COPG2: variants seen among roughly 807,000 people sequenced by gnomAD.
COPG2 encodes the protein coat protein complex I subunit gamma 2.
In COPG2, 37 loss-of-function variants were observed where a neutral mutation model predicts 46.3. That is an observed-to-expected ratio of 0.80 (90% CI 0.61 to 1.05). COPG2 has a LOEUF of 1.05. COPG2 is among the 50% of genes least tolerant of loss of function. The pLI is 0.00. For synonymous variants in COPG2, 159 were observed against 129.7 expected (o/e 1.23, Z -1.53); for missense variants, 427 against 387.8 (o/e 1.10, Z -0.85).
chr7:130,600,217 T>A lies in COPG2; in HGVS notation c.737+10736A>T, dbSNP rs537082739. On this transcript the variant is annotated intron_variant, in intron 9 of 23. Transcript: ENST00000425248. ...CAAGTTCATTCCTGTTATATTTTTTTAGACCATTACTTTTGTCAAAATACA... is the reference window on the plus strand; with the variant it reads ...CAAGTTCATTCCTGTTATATTTTTTAAGACCATTACTTTTGTCAAAATACA... 7.9e-5 allele frequency among the ~76,000 whole-genome samples: 12 copies of A among 152,342 alleles called. No homozygotes were observed. In the South Asian group the frequency reaches 2.5e-3, roughly 32 times the overall value.
chr7:130,581,969 A>T (rs1554447237), intron 9 of COPG2, among the ~76,000 whole-genome samples: 1 of 151,688 alleles, frequency 6.6e-6, no homozygotes, highest in Admixed American at 6.6e-5. Context: ...GCTACCAATG[A>T]CTTTCTTCAC....
At chr7:130,667,623 G>T in intron 1 of COPG2, 89 bp from the exon 2 acceptor site, 1 of 989,594 alleles carries the variant, frequency 1.0e-6, no homozygotes, top group Non-Finnish European at 1.6e-6. Flanking sequence ...GAATGCTTGG[G>T]AAGTGAACAC....
chr7:130,650,251 G>C (rs1300085187), intron 5 of COPG2, among the ~76,000 whole-genome samples: 3 of 152,140 alleles, frequency 2.0e-5, no homozygotes, highest in East Asian at 1.9e-4. Context: ...CTGCTGTTTT[G>C]CAATCTTAAT....
chr7:130,635,383 T>C (rs1367214322), intron 5 of COPG2, among the ~76,000 whole-genome samples: 2 of 152,164 alleles, frequency 1.3e-5, no homozygotes, highest in African/African-American at 2.4e-5. Context: ...TGCCACAATT[T>C]CAGAACTTGT....
intron 9 of COPG2, among the ~76,000 whole-genome samples, chr7:130,594,412 T>C (rs1326320997): frequency 3.3e-5 from 5 of 152,138 alleles, no homozygotes; most frequent in Non-Finnish European, 5.9e-5. Flanking sequence ...AATAAACTCT[T>C]TGAAGAAAAC....
intron 20 of COPG2, among the ~76,000 whole-genome samples, chr7:130,523,422 G>C (rs1231099355): frequency 6.6e-6 from 1 of 152,328 alleles, no homozygotes; most frequent in East Asian, 1.9e-4. Context: ...AGGCCGCCTT[G>C]GGGTCCTGCA....
intron 9 of COPG2, among the ~76,000 whole-genome samples, chr7:130,571,024 T>C (rs1793887252): frequency 6.6e-6 from 1 of 152,154 alleles, no homozygotes; most frequent in African/African-American, 2.4e-5. Context: ...TGGATCCTCA[T>C]CTCTCACCTT....
rs556928046 is a variant in COPG2 at position 130,663,887 on chromosome 7, C to T, written c.172-849G>A. On this transcript the variant is annotated intron_variant, in intron 3 of 23. Transcript: ENST00000425248. ...CCAAGTAGCTGTGATTACAGGTGTG[C>T]ACCACCACGCCCAACTAATTTTTTG... 9.9e-5 allele frequency among the ~76,000 whole-genome samples: 15 copies of T among 151,946 alleles called. 2 individuals carry two copies. In the South Asian group the frequency reaches 2.9e-3, roughly 30 times the overall value.
chr7:130,643,089 G>A (rs1339733624), intron 5 of COPG2, among the ~76,000 whole-genome samples: 2 of 151,894 alleles, frequency 1.3e-5, no homozygotes, highest in Admixed American at 6.6e-5. Context: ...GAGGTCAGGA[G>A]ATCGAGACCA....
chr7:130,508,025 T>A lies in COPG2; in HGVS notation c.2248-202A>T, dbSNP rs1799530046. 4 of 538,936 alleles carry A rather than the reference T, an allele frequency of 7.4e-6. No homozygotes were observed. In the Admixed American group the frequency reaches 1.3e-4, roughly 18 times the overall value. The allele number at this position is 538,936 out of a possible 1,614,324, so 33.4% of individuals were successfully genotyped here. A position where few individuals can be genotyped will look rare whatever the true frequency, so the allele number is the denominator to read the frequency against. On this transcript the variant is annotated intron_variant, in intron 21 of 23. Coordinates refer to ENST00000425248, the MANE Select transcript of COPG2 (RefSeq NM_012133.6). ...CAGAACATCTGGCAAGAGCCTCAGA[T>A]CAACATCTGTAGCCCTGAGGTACAG...
At chr7:130,644,465 C>G (rs1554457785) in intron 5 of COPG2, among the ~76,000 whole-genome samples, 26 of 152,088 alleles carry the variant, frequency 1.7e-4, no homozygotes. Flanking sequence ...TAGGGCTGCT[C>G]AAATCAATTC....
chr7:130,647,029 A>G (rs576930103), intron 5 of COPG2, among the ~76,000 whole-genome samples: 27 of 71,332 alleles, frequency 3.8e-4, no homozygotes, highest in Admixed American at 5.9e-4. Context: ...ATATATGTGT[A>G]TATATATATT....
chr7:130,521,157 A>C (rs1272145457), intron 20 of COPG2, among the ~76,000 whole-genome samples: 2 of 152,342 alleles, frequency 1.3e-5, no homozygotes, highest in East Asian at 3.9e-4. Flanking sequence ...TGTACTTGAA[A>C]AGTCGAGTCA....
At chr7:130,530,183 G>A (rs1287139146) in intron 20 of COPG2, among the ~76,000 whole-genome samples, 3 of 152,274 alleles carry the variant, frequency 2.0e-5, no homozygotes, top group African/African-American at 4.8e-5. Flanking sequence ...GTGTAGTGAG[G>A]GTAGTGTGGC....
chr7:130,545,088 A>C (rs1327746524), intron 20 of COPG2, among the ~76,000 whole-genome samples: 1 of 152,128 alleles, frequency 6.6e-6, no homozygotes, highest in African/African-American at 2.4e-5. Context: ...TTTAGAGAGG[A>C]TAAAGGAAGA....
At chr7:130,653,993 G>A (rs782022904) in intron 4 of COPG2, among the ~76,000 whole-genome samples, 1 of 151,018 alleles carries the variant, frequency 6.6e-6, no homozygotes, top group Non-Finnish European at 1.5e-5. Flanking sequence ...GTGAGAAGCA[G>A]AAGAAAACTA....
Position 130,612,244 on chromosome 7 carries a change from T to C in COPG2, c.493-6A>G, listed in dbSNP as rs376515175. On this transcript the variant is annotated splice_polypyrimidine_tract_variant and splice_region_variant and intron_variant, in intron 7 of 23. Coordinates refer to ENST00000425248, the MANE Select transcript of COPG2 (RefSeq NM_012133.6). ...TAGCTTATCTTCATCATGTGCTAAA[T>C]ACAGAAAAAAAAAAATGAGAATAAA... 345 of 1,444,534 alleles carry C rather than the reference T, an allele frequency of 2.4e-4. 2 individuals carry two copies. The East Asian group carries it at 5.3e-3, about 22-fold the overall frequency. 89.5% of individuals were successfully genotyped at this position (1,444,534 alleles called of 1,614,324 possible). A position where few individuals can be genotyped will look rare whatever the true frequency, so the allele number is the denominator to read the frequency against.
At chr7:130,529,161 G>A (rs1032076026) in intron 20 of COPG2, among the ~76,000 whole-genome samples, 2 of 152,122 alleles carry the variant, frequency 1.3e-5, no homozygotes, top group Non-Finnish European at 2.9e-5. Context: ...TGGATCCAAT[G>A]CTGCATATTG....
At chr7:130,625,315 T>C (rs1795099197) in intron 5 of COPG2, among the ~76,000 whole-genome samples, 1 of 152,238 alleles carries the variant, frequency 6.6e-6, no homozygotes, top group Non-Finnish European at 1.5e-5. Context: ...CTGGGGTTCC[T>C]AGGTATTCAA....
Sources: gnomAD v4.1 joint callset for allele counts (sites outside exome capture counted in the v4.1 genomes callset) on GRCh38, gnomAD v4.1.1 for gene constraint, MANE v1.5 for transcripts, NCBI Gene and HGNC (gene_info 2026-07-23, HGNC 2026-07-21) for gene names.